Variants in ZNF808 observed in about 807,000 individuals in gnomAD.
The protein encoded by ZNF808 is zinc finger protein 808.
In ZNF808, 5 loss-of-function variants were observed where a neutral mutation model predicts 8.7. The observed-to-expected ratio is 0.58, with a 90% CI of 0.30 to 1.21. The LOEUF (loss-of-function observed/expected upper bound fraction) is 1.21. Ranked by LOEUF, ZNF808 falls within the 50% of genes most tolerant of loss-of-function variation. The pLI is 0.07. For synonymous variants in ZNF808, 380 were observed against 366.0 expected (o/e 1.04, Z -0.44); for missense variants, 1,103 against 1,098.4 (o/e 1.00, Z -0.06).
intron 4 of ZNF808, 101 bp downstream of exon 4, chr19:52,547,739 GTTTTTT>G (rs1300723717): frequency 4.8e-5 from 49 of 1,011,710 alleles, no homozygotes; most frequent in Admixed American, 1.2e-4. Flanking sequence ...ATCCATGCTG[GTTTTTT>G]TTTTTTTTTT....
chr19:52,563,956 G>A (rs1467037416), exon 4 of ZNF808: 6 of 331,470 alleles, frequency 1.8e-5, no homozygotes, highest in South Asian at 2.6e-5. Flanking sequence ...GGATCCTGCC[G>A]TTGCACTCCA....
chr19:52,535,151 GA>G (rs1568478606), intron 2 of ZNF808, among the ~76,000 whole-genome samples: 1 of 151,510 alleles, frequency 6.6e-6, no homozygotes, highest in Non-Finnish European at 1.5e-5. Flanking sequence ...CTAACATGGT[GA>G]AACCCCATCT....
chr19:52,540,193 G>A (rs1326498313), intron 2 of ZNF808, among the ~76,000 whole-genome samples: 2 of 152,026 alleles, frequency 1.3e-5, no homozygotes, highest in Non-Finnish European at 2.9e-5. Flanking sequence ...TGTATTTTTA[G>A]TAGAGACATA....
intron 1 of ZNF808, among the ~76,000 whole-genome samples, chr19:52,531,921 A>G (rs1413658347): frequency 2.6e-5 from 4 of 152,172 alleles, no homozygotes; most frequent in African/African-American, 9.7e-5. Flanking sequence ...CATACATCAG[A>G]AGGTAGTGAT....
chr19:52,555,129 G>A lies in ZNF808; in HGVS notation c.2213G>A (p.Ser738Asn), dbSNP rs1161902804. 11 of 1,613,598 alleles carry A rather than the reference G, an allele frequency of 6.8e-6. No homozygotes were observed. Among genetic ancestry groups the A allele is most frequent in the South Asian group, 2.2e-5 (2 of 91,052 alleles). The change falls in exon 5 of 5, where the codon AGT becomes AAT. Residue 738 changes from serine to asparagine, a missense_variant. Ser to Asn is a conservative substitution (Grantham distance 46, BLOSUM62 1). Coordinates refer to ENST00000359798, the MANE Select transcript of ZNF808 (RefSeq NM_001039886.4). ...AGTGGTGAGAAACCTTACAAGTGTA[G>A]TGAGTGCAGCAAGACGTTCAGTCAG... ...IHSGEKPYKC[S>N]ECSKTFSQKA...
chr19:52,547,480 A>C (rs1568485570), intron 3 of ZNF808, 32 bp from the exon 4 acceptor site: 1 of 1,612,828 alleles, frequency 6.2e-7, no homozygotes, highest in Non-Finnish European at 8.5e-7. Flanking sequence ...AATCCTCCAT[A>C]ATGTTTTGTT....
chr19:52,531,145 A>G (rs2059558353), intron 1 of ZNF808, among the ~76,000 whole-genome samples: 1 of 152,126 alleles, frequency 6.6e-6, no homozygotes, highest in Non-Finnish European at 1.5e-5. Context: ...AAAAAAAGAA[A>G]TAGCAATCAG....
intron 2 of ZNF808, among the ~76,000 whole-genome samples, chr19:52,539,184 A>ATTTTTTTTTTTT (rs3049209): frequency 3.4e-5 from 4 of 117,752 alleles, no homozygotes; most frequent in East Asian, 2.5e-4. Flanking sequence ...TCTTCATTTC[A>ATTTTTTTTTTTT]TTTTTTTTTT....
At chr19:52,539,255 G>A (rs1301371400) in intron 2 of ZNF808, among the ~76,000 whole-genome samples, 1 of 148,318 alleles carries the variant, frequency 6.7e-6, no homozygotes, top group African/African-American at 2.5e-5. Flanking sequence ...GTGGAGTGGA[G>A]CAGTCTTGAC....
chr19:52,555,364 G>A lies in ZNF808; in HGVS notation c.2448G>A (p.Glu816=). The change falls in exon 5 of 5, where the codon GAG becomes GAA. Residue 816 remains glutamate, a synonymous_variant. Transcript: ENST00000359798. ...GACATATTAGAATTCACACTGCAGAGAAACCTTACAAGTGTAATGAATGTG... is the reference window on the plus strand; with the variant it reads ...GACATATTAGAATTCACACTGCAGAAAAACCTTACAAGTGTAATGAATGTG... ...LARHIRIHTA[E]KPYKCNECGK... is the part of the protein sequence containing the mutation. The A allele has an allele frequency of 1.2e-6, 2 of 1,614,180 alleles. No individual in the cohort carries two copies. The highest frequency in any genetic ancestry group is 1.7e-6 in the Non-Finnish European group (2 of 1,180,020).
chr19:52,528,419 G>GAAAA lies in ZNF808; in HGVS notation c.-122+711_-122+712insAAAA, dbSNP rs375802338. Reference sequence around the variant, plus strand: ...ACAGCAGTAGAAAACCTGAGACAGAGAAAGAATAAGAAAGGCCCATAACAG... The same window carrying GAAAA: ...ACAGCAGTAGAAAACCTGAGACAGAGAAAAAAAGAATAAGAAAGGCCCATAACAG... On this transcript the variant is annotated intron_variant, in intron 1 of 4. Transcript: ENST00000359798. 4.8e-3 allele frequency among the ~76,000 whole-genome samples: 730 copies of GAAAA among 152,326 alleles called. 5 individuals carry two copies. Among genetic ancestry groups the GAAAA allele is most frequent in the African/African-American group, 0.017 (695 of 41,566 alleles).
chr19:52,541,239 C>T (rs2059667275), intron 2 of ZNF808, among the ~76,000 whole-genome samples: 1 of 151,708 alleles, frequency 6.6e-6, no homozygotes, highest in Non-Finnish European at 1.5e-5. Context: ...TGTGATCCAC[C>T]CCGCCTGGCC....
chr19:52,550,606 A>G (rs557031288), intron 4 of ZNF808, among the ~76,000 whole-genome samples: 1 of 151,342 alleles, frequency 6.6e-6, no homozygotes, highest in Admixed American at 6.6e-5. Flanking sequence ...GCTCACTGCA[A>G]CCTCGACTTC....
intron 1 of ZNF808, among the ~76,000 whole-genome samples, chr19:52,531,349 G>C (rs2059560283): frequency 6.6e-6 from 1 of 151,228 alleles, no homozygotes; most frequent in Non-Finnish European, 1.5e-5. Flanking sequence ...GTGGCGCGTG[G>C]CTGTAATCTC....
chr19:52,553,491 C>A lies in ZNF808; in HGVS notation c.575C>A (p.Thr192Lys), dbSNP rs200604236. 436 of 1,614,044 alleles carry A rather than the reference C, an allele frequency of 2.7e-4. No individual in the cohort carries two copies. The highest frequency in any genetic ancestry group is 3.5e-4 in the Non-Finnish European group (409 of 1,180,028). ...KSTSDASSVS[T>K]SQRISCRPQI... ...ACCAGTGATGCTTCCTCAGTTTCAA[C>A]ATCCCAAAGAATTTCCTGTAGGCCC... The change falls in exon 5 of 5, where the codon ACA becomes AAA. Residue 192 changes from threonine to lysine, a missense_variant. Physicochemically the swap from Thr to Lys is moderately conservative, Grantham distance 78 (BLOSUM62 -1). Transcript: ENST00000359798.
chr19:52,534,922 G>A lies in ZNF808; in HGVS notation c.-20+1913G>A, dbSNP rs181933786. On this transcript the variant is annotated intron_variant, in intron 2 of 4. Coordinates refer to ENST00000359798, the MANE Select transcript of ZNF808 (RefSeq NM_001039886.4). ...AAGGAAAGAAAAAAGTAAAAAAAGA[G>A]AAAGTAATAGATCTCTTTCACAAAT... Among the ~76,000 whole-genome samples, 553 of 152,074 alleles carry A rather than the reference G, an allele frequency of 3.6e-3. 1 individual carries two copies. The highest frequency in any genetic ancestry group is 6.4e-3 in the Non-Finnish European group (437 of 67,998).
chr19:52,549,742 A>G (rs551777425), intron 4 of ZNF808, among the ~76,000 whole-genome samples: 40 of 152,180 alleles, frequency 2.6e-4, no homozygotes, highest in African/African-American at 9.6e-4. Flanking sequence ...TGATACATTG[A>G]TCTGGATGCA....
exon 4 of ZNF808, chr19:52,563,650 T>A (rs1489471739): frequency 6.5e-6 from 1 of 153,528 alleles, no homozygotes. Flanking sequence ...GAATAACTTA[T>A]TTTGAGTTGT....
downstream of ZNF808, among the ~76,000 whole-genome samples, chr19:52,566,188 G>C (rs1002606847): frequency 1.3e-5 from 2 of 151,658 alleles, no homozygotes; most frequent in African/African-American, 4.8e-5. Context: ...TTTTTGAGAC[G>C]GAGTTTCAAT....
Sources: allele counts gnomAD v4.1 joint callset (sites outside exome capture counted in the v4.1 genomes callset), GRCh38; gene constraint gnomAD v4.1.1; transcripts MANE v1.5; gene names NCBI Gene and HGNC (gene_info 2026-07-23, HGNC 2026-07-21).